The following SPEF1 variants were observed in gnomAD, a reference collection of about 807,000 sequenced individuals.
SPEF1 encodes sperm flagellar and cilia associated 1.
SPEF1 carries 30 observed loss-of-function variants against 31.8 expected under a neutral mutation model. The ratio of observed to expected loss-of-function variants is 0.94; its 90% CI spans 0.70 to 1.28. SPEF1 has a LOEUF of 1.28. Ranked by LOEUF, SPEF1 falls within the 50% of genes most tolerant of loss-of-function variation. The pLI, the probability that SPEF1 is intolerant of heterozygous loss-of-function variation, is 0.00. For synonymous variants in SPEF1, 126 were observed against 130.1 expected, an observed-to-expected ratio of 0.97 and a Z score of 0.21; for missense variants, 298 against 309.6, an observed-to-expected ratio of 0.96 and a Z score of 0.28.
Position 3,781,414 on chromosome 20 carries a change from T to A in SPEF1, c.-127A>T, listed in dbSNP as rs968225655. 52 of 1,383,504 alleles carry A rather than the reference T, an allele frequency of 3.8e-5. No individual in the cohort carries two copies. Among genetic ancestry groups the A allele is most frequent in the Non-Finnish European group, 7.7e-6 (8 of 1,041,260 alleles). 85.7% of individuals were successfully genotyped at this position (1,383,504 alleles called of 1,614,324 possible). A position where few individuals can be genotyped will look rare whatever the true frequency, so the allele number is the denominator to read the frequency against. ...GCCTCTGCCTGCCTAATCCAGAGAC[T>A]CACGTCCCAGCTGGGAGCGGCCATA... On this transcript the variant is annotated 5_prime_UTR_variant, in exon 1 of 7. Coordinates refer to ENST00000379756, the MANE Select transcript of SPEF1 (RefSeq NM_015417.5).
intron 4 of SPEF1, 49 bp downstream of exon 4, chr20:3,778,902 C>A: frequency 6.2e-7 from 1 of 1,613,482 alleles, no homozygotes; most frequent in Non-Finnish European, 8.5e-7. Flanking sequence ...GGAAGAAGGA[C>A]AGAAGGAAAG....
intron 3 of SPEF1, 55 bp from the exon 4 acceptor site, chr20:3,779,045 C>T (rs1258545757): frequency 1.4e-5 from 22 of 1,612,544 alleles, no homozygotes; most frequent in Non-Finnish European, 4.2e-6. Context: ...CCCCAAGGAG[C>T]CCCATGTCCC....
rs944292532 is a variant in SPEF1, at chr20:3,779,080, C to G, written c.379-90G>C. 487 of 1,597,986 alleles carry G rather than the reference C, an allele frequency of 3.0e-4. 1 individual carries two copies. The highest frequency in any genetic ancestry group is 4.0e-4 in the Non-Finnish European group (469 of 1,172,548). On this transcript the variant is annotated intron_variant, in intron 3 of 6. Transcript: ENST00000379756. ...CTTCCACGGGCCCCCAGGCCAGGCT[C>G]TATTAGCCAAGCACCCCTCCCCCAC...
At position 3,781,326 on chromosome 20, in the gene SPEF1, TC is replaced by T; in HGVS notation, c.-40del. ...GCCTGGCCGCCCCAGCGGTGCCGGG[TC>T]CCGCCCCAGCCTCACGACCCTTCAG... On this transcript the variant is annotated 5_prime_UTR_variant, in exon 1 of 7. Transcript: ENST00000379756. The T allele has an allele frequency of 6.3e-7, 1 of 1,597,552 alleles. No homozygotes were observed. Among genetic ancestry groups the T allele is most frequent in the Non-Finnish European group, 8.5e-7 (1 of 1,172,958 alleles).
Position 3,779,348 on chromosome 20 carries a change from C to A in SPEF1, c.226G>T (p.Val76Leu). Residue 76 changes from valine to leucine, a missense_variant, in exon 3 of 7, where the codon GTA becomes TTA. Coordinates refer to ENST00000379756, the MANE Select transcript of SPEF1 (RefSeq NM_015417.5). ...ACTGAAAAGTTCAGCCTCTTCAGTA[C>A]CTTCCTGAGGGGTAGACATTGGGAT... Reference protein sequence around the residue: ...LSNWGHLNRKVLKRLNFSVPD... With the variant: ...LSNWGHLNRKLLKRLNFSVPD... 1 of 1,593,796 alleles carries A rather than the reference C, an allele frequency of 6.3e-7. No individual in the cohort carries two copies.
chr20:3,779,850 G>A, intron 1 of SPEF1, 75 bp from the exon 2 acceptor site: 1 of 470,144 alleles, frequency 2.1e-6, no homozygotes, highest in Non-Finnish European at 4.2e-6. Flanking sequence ...GGTGGGGGTG[G>A]GAGAATCAGG....
intron 2 of SPEF1, 126 bp from the exon 3 acceptor site, chr20:3,779,478 C>G: frequency 3.3e-6 from 3 of 920,222 alleles, no homozygotes; most frequent in Non-Finnish European, 1.7e-6. Flanking sequence ...GAAAGCGCAT[C>G]GCATCTGAGC....
intron 2 of SPEF1, 125 bp from the exon 3 acceptor site, chr20:3,779,477 T>TG (rs1361906116): frequency 5.3e-6 from 5 of 940,762 alleles, no homozygotes; most frequent in Non-Finnish European, 8.2e-6. Flanking sequence ...TGAAAGCGCA[T>TG]CGCATCTGAG....
At position 3,781,297 on chromosome 20, in the gene SPEF1, C is replaced by T. The variant is rs750201384; in HGVS notation, c.-10G>A. 1.9e-6 allele frequency: 3 copies of T among 1,612,428 alleles called. No homozygotes were observed. The highest frequency in any genetic ancestry group is 2.5e-6 in the Non-Finnish European group (3 of 1,179,482). ...CCACGCTGCTCGCCATTGGCGTCCT[C>T]ACGGCCTGGCCGCCCCAGCGGTGCC... On this transcript the variant is annotated 5_prime_UTR_variant, in exon 1 of 7. Coordinates refer to ENST00000379756, the MANE Select transcript of SPEF1 (RefSeq NM_015417.5).
rs369327720 is a variant in SPEF1 at position 3,779,178 on chromosome 20, G to A, written c.378+18C>T. ...CCCAGCCCCCAGAGCAGTGGGAGAA[G>A]CTGGAGCGGGGTGGCACCTGTAAGG... On this transcript the variant is annotated intron_variant, in intron 3 of 6. Transcript: ENST00000379756. The A allele has an allele frequency of 3.7e-5, 58 of 1,556,738 alleles. 1 individual carries two copies. In the South Asian group the frequency reaches 6.4e-4, roughly 17 times the overall value.
At chr20:3,779,989 T>G (rs2088770296) in intron 1 of SPEF1, among the ~76,000 whole-genome samples, 1 of 151,996 alleles carries the variant, frequency 6.6e-6, no homozygotes, top group East Asian at 1.9e-4. Flanking sequence ...TCAGAGGAGC[T>G]GCATCCCTTC....
Position 3,778,726 on chromosome 20 carries a change from G to C in SPEF1, c.479+20C>G. On this transcript the variant is annotated intron_variant, in intron 5 of 6. Coordinates refer to ENST00000379756, the MANE Select transcript of SPEF1 (RefSeq NM_015417.5). ...AGAGATCACCAGCCTGGTGAAGTCTGGAACTCCCAGCTTCTTTACCTGAGC... is the reference window on the plus strand; with the variant it reads ...AGAGATCACCAGCCTGGTGAAGTCTCGAACTCCCAGCTTCTTTACCTGAGC... The C allele has an allele frequency of 6.2e-7, 1 of 1,612,562 alleles. No homozygotes were observed. The highest frequency in any genetic ancestry group is 8.5e-7 in the Non-Finnish European group (1 of 1,178,876).
chr20:3,779,907 G>C, intron 1 of SPEF1, 132 bp from the exon 2 acceptor site: 1 of 610,234 alleles, frequency 1.6e-6, no homozygotes, highest in South Asian at 1.9e-5. Flanking sequence ...ATGCGGAAAG[G>C]GGAAGGATAA....
In SPEF1 at chr20:3,778,978, G is replaced by A. The variant is rs2088763511; in HGVS notation, c.391C>T (p.Gln131Ter). ...ACATCCATGTAGCCACTGCCATCCT[G>A]GGGAGCCAGCTCCTGAAAGAACCCC... ...GAGSLQELAP[Q>*]DGSGYMDVGV... is the part of the protein sequence containing the mutation. The change falls in exon 4 of 7, where the codon CAG (glutamine) becomes TAG (stop). Residue 131 changes from glutamine (Q) to a stop codon, truncating the protein, a stop_gained. Transcript: ENST00000379756. LOFTEE classifies it high-confidence loss of function. The A allele has an allele frequency of 6.2e-7, 1 of 1,614,062 alleles. No individual in the cohort carries two copies. Among genetic ancestry groups the A allele is most frequent in the African/African-American group, 1.3e-5 (1 of 74,920 alleles).
chr20:3,779,814 G>A lies in SPEF1; in HGVS notation c.110-39C>T, dbSNP rs971663468. ...GAGCAGACATGGAAAGTGGGGGCAT[G>A]GGTAAGGAAGGAGGAGGTGAGAGAA... is the stretch of plus-strand genomic sequence containing the variant. On this transcript the variant is annotated intron_variant, in intron 1 of 6. Transcript: ENST00000379756. The A allele has an allele frequency of 5.4e-6, 6 of 1,110,732 alleles. No homozygotes were observed. The Middle Eastern group carries it at 6.0e-4, about 112-fold the overall frequency. The allele number at this position is 1,110,732 out of a possible 1,614,324, so 68.8% of individuals were successfully genotyped here.
At chr20:3,781,021 G>T (rs2088776292) in intron 1 of SPEF1, among the ~76,000 whole-genome samples, 158 bp downstream of exon 1, 1 of 152,152 alleles carries the variant, frequency 6.6e-6, no homozygotes, top group East Asian at 1.9e-4. Context: ...TTCACACACA[G>T]ATGCAAATAG....
Position 3,778,504 on chromosome 20 carries a change from G to A in SPEF1, c.520C>T (p.Arg174Trp). The A allele has an allele frequency of 1.9e-6, 3 of 1,612,332 alleles. No homozygotes were observed. Among genetic ancestry groups the A allele is most frequent in the East Asian group, 4.5e-5 (2 of 44,832 alleles). ...PPAPRPPAYN[R>W]ALQGDPSFVL... ...AAGCTGGGGTCGCCCTGCAACGCCC[G>A]GTTATACGCTGGAGGCCGAGGCGCC... Residue 174 changes from arginine to tryptophan, a missense_variant, in exon 6 of 7, where the codon CGG becomes TGG. Transcript: ENST00000379756.
rs780189277 is a variant in SPEF1, at chr20:3,781,311, C to T, written c.-24G>A. 28 of 1,608,070 alleles carry T rather than the reference C, an allele frequency of 1.7e-5. No individual in the cohort carries two copies. Among genetic ancestry groups the T allele is most frequent in the Non-Finnish European group, 2.3e-5 (27 of 1,177,844 alleles). On this transcript the variant is annotated 5_prime_UTR_variant, in exon 1 of 7. Transcript: ENST00000379756. ...ATTGGCGTCCTCACGGCCTGGCCGC[C>T]CCAGCGGTGCCGGGTCCCGCCCCAG...
Position 3,779,781 on chromosome 20 carries a change from G to A in SPEF1, c.110-6C>T, listed in dbSNP as rs776670198. 8.9e-6 allele frequency: 14 copies of A among 1,577,914 alleles called. No individual in the cohort carries two copies. In the East Asian group the frequency reaches 2.9e-4, roughly 33 times the overall value. ...GATGACCTCTGCAACAAGGACTGAG[G>A]GAGAGGGGAGCAGACATGGAAAGTG... On this transcript the variant is annotated splice_region_variant and splice_polypyrimidine_tract_variant and intron_variant, in intron 1 of 6. Coordinates refer to ENST00000379756, the MANE Select transcript of SPEF1 (RefSeq NM_015417.5).
Sources: gnomAD v4.1 joint callset for allele counts (sites outside exome capture counted in the v4.1 genomes callset) on GRCh38, gnomAD v4.1.1 for gene constraint, MANE v1.5 for transcripts, NCBI Gene and HGNC (gene_info 2026-07-23, HGNC 2026-07-21) for gene names.